KALRN: variants seen among roughly 807,000 people sequenced by gnomAD.
KALRN encodes kalirin.
KALRN carries 70 observed loss-of-function variants against 353.7 expected under a neutral mutation model. That is an observed-to-expected ratio of 0.20 (90% CI 0.16 to 0.24). The LOEUF is 0.24. Among genes scored for constraint, KALRN ranks in the 10% least tolerant of loss-of-function variants. The probability of loss-of-function intolerance (pLI) is 1.00; values close to 1 mark genes in which losing one functional copy is unlikely to be tolerated. For synonymous variants in KALRN, 1,391 were observed against 1,434.8 expected (o/e 0.97, Z 0.69); for missense variants, 2,791 against 3,756.7 (o/e 0.74, Z 6.72).
chr3:124,405,185 G>A (rs908307296), intron 13 of KALRN, among the ~76,000 whole-genome samples: 6 of 151,940 alleles, frequency 3.9e-5, no homozygotes, highest in African/African-American at 9.7e-5. Flanking sequence ...CCCTACTATC[G>A]TCCTTTTTTA....
At chr3:124,314,470 G>T (rs1233264143) in intron 6 of KALRN, among the ~76,000 whole-genome samples, 1 of 151,848 alleles carries the variant, frequency 6.6e-6, no homozygotes, top group East Asian at 1.9e-4. Context: ...CACACGTTGT[G>T]CACATATACC....
At chr3:124,276,235 G>A (rs914385978) in intron 5 of KALRN, among the ~76,000 whole-genome samples, 2 of 152,132 alleles carry the variant, frequency 1.3e-5, no homozygotes, top group East Asian at 1.9e-4. Context: ...GGCACCACTG[G>A]GCATCGTGGT....
intron 2 of KALRN, among the ~76,000 whole-genome samples, chr3:124,229,508 G>C (rs1054378756): frequency 1.3e-5 from 2 of 152,268 alleles, no homozygotes; most frequent in Non-Finnish European, 2.9e-5. Flanking sequence ...ACAAGGAGTA[G>C]CAGTGGAGTC....
intron 35 of KALRN, 87 bp from the exon 36 acceptor site, chr3:124,633,765 C>T: frequency 9.1e-7 from 1 of 1,098,796 alleles, no homozygotes; most frequent in Non-Finnish European, 1.3e-6. Flanking sequence ...GAACTCTCCT[C>T]CTATGTATTA....
intron 7 of KALRN, among the ~76,000 whole-genome samples, chr3:124,327,396 A>C (rs1248706860): frequency 6.6e-6 from 1 of 152,200 alleles, no homozygotes; most frequent in Non-Finnish European, 1.5e-5. Context: ...ATCAACCAGC[A>C]TGTGTGTCAG....
intron 34 of KALRN, among the ~76,000 whole-genome samples, chr3:124,624,360 T>C (rs2079686472): frequency 6.6e-6 from 1 of 152,228 alleles, no homozygotes; most frequent in South Asian, 2.1e-4. Context: ...TTGTTGTTGT[T>C]AATCTCTTAA....
intron 8 of KALRN, among the ~76,000 whole-genome samples, chr3:124,332,358 G>A (rs886321328): frequency 1.3e-5 from 2 of 152,118 alleles, no homozygotes; most frequent in African/African-American, 4.8e-5. Flanking sequence ...CATCAGAGGT[G>A]TGGAGATGGA....
chr3:124,604,909 A>G (rs1475886254), intron 34 of KALRN, among the ~76,000 whole-genome samples: 1 of 152,066 alleles, frequency 6.6e-6, no homozygotes, highest in Non-Finnish European at 1.5e-5. Flanking sequence ...TAATTCCAGC[A>G]CTTTGGGAGG....
intron 1 of KALRN, among the ~76,000 whole-genome samples, chr3:124,172,074 A>C (rs892831237): frequency 3.9e-5 from 6 of 152,164 alleles, no homozygotes; most frequent in Non-Finnish European, 7.4e-5. Flanking sequence ...GACTTCTTTG[A>C]ATCTTATTTT....
chr3:124,270,860 C>T (rs530590141), intron 5 of KALRN, among the ~76,000 whole-genome samples: 12 of 129,114 alleles, frequency 9.3e-5, no homozygotes, highest in Admixed American at 7.2e-4. Context: ...GACGGAGTCT[C>T]GCTCTGTCGC....
intron 1 of KALRN, among the ~76,000 whole-genome samples, chr3:124,113,609 C>T (rs2063194837): frequency 6.6e-6 from 1 of 152,156 alleles, no homozygotes; most frequent in Non-Finnish European, 1.5e-5. Context: ...GGATATGTTT[C>T]CTGCAGGAGT....
At chr3:124,298,096 T>G (rs1345119541) in intron 5 of KALRN, among the ~76,000 whole-genome samples, 1 of 152,188 alleles carries the variant, frequency 6.6e-6, no homozygotes, top group African/African-American at 2.4e-5. Context: ...AGCCAGGGGT[T>G]CTGGTCAGCT....
In KALRN at chr3:124,441,983, C is replaced by T. The variant is rs761442960; in HGVS notation, c.3237C>T (p.Leu1079=). The T allele has an allele frequency of 3.7e-6, 6 of 1,605,786 alleles. No individual in the cohort carries two copies. Among genetic ancestry groups the T allele is most frequent in the Non-Finnish European group, 5.1e-6 (6 of 1,173,834 alleles). The change falls in exon 19 of 60, where the codon CTC becomes CTT. Residue 1079 remains leucine (L), a synonymous_variant. Coordinates refer to ENST00000682506, the MANE Select transcript of KALRN (RefSeq NM_001388419.1). ...CTCGGCGGAATGCTGAGGTGTTTCT[C>T]AAGTACATCCACAGGAACAACGTCA... The part of the protein sequence containing the change: ...TLARRNAEVF[L]KYIHRNNVSM...
In KALRN at chr3:124,384,006, G is replaced by C. The variant is rs115963661; in HGVS notation, c.1771-839G>C. ...CCAGCTCTAAGTCAGGACATATCAG[G>C]AGACTTTCAAAATGAGAAGCCTGCT... On this transcript the variant is annotated intron_variant, in intron 10 of 59. Coordinates refer to ENST00000682506, the MANE Select transcript of KALRN (RefSeq NM_001388419.1). Among the ~76,000 whole-genome samples the C allele has an allele frequency of 9.2e-3, 1,398 of 152,252 alleles. 11 individuals are homozygous for C. Among genetic ancestry groups the C allele is most frequent in the African/African-American group, 0.022 (921 of 41,526 alleles).
intron 1 of KALRN, among the ~76,000 whole-genome samples, chr3:124,067,798 G>A (rs1217110571): frequency 1.3e-5 from 2 of 152,250 alleles, no homozygotes; most frequent in African/African-American, 4.8e-5. Flanking sequence ...GGCCAGGGGA[G>A]CCACTCACCA....
At chr3:124,697,529 T>C (rs1365590616) in intron 54 of KALRN, 64 bp from the exon 55 acceptor site, 3 of 1,488,968 alleles carry the variant, frequency 2.0e-6, no homozygotes, top group Non-Finnish European at 2.7e-6. Context: ...AGATGACTTA[T>C]ACCTTGGTGT....
At chr3:124,523,148 C>T (rs1355201161) in intron 33 of KALRN, among the ~76,000 whole-genome samples, 1 of 152,164 alleles carries the variant, frequency 6.6e-6, no homozygotes, top group Non-Finnish European at 1.5e-5. Flanking sequence ...ATATGGCCTC[C>T]CTTGAGCTAT....
intron 1 of KALRN, among the ~76,000 whole-genome samples, chr3:124,166,877 TAAAAG>T (rs1409678028): frequency 1.3e-5 from 2 of 151,662 alleles, no homozygotes; most frequent in Non-Finnish European, 2.9e-5. Flanking sequence ...CGTCTCTACT[TAAAAG>T]AAAAAATACA....
At chr3:124,084,219 G>C (rs1376648526) in intron 1 of KALRN, among the ~76,000 whole-genome samples, 2 of 152,246 alleles carry the variant, frequency 1.3e-5, no homozygotes, top group African/African-American at 4.8e-5. Flanking sequence ...AGGCCTGAAA[G>C]GGGGTTAAGG....
Sources: gnomAD v4.1 joint callset for allele counts (sites outside exome capture counted in the v4.1 genomes callset) on GRCh38, gnomAD v4.1.1 for gene constraint, MANE v1.5 for transcripts, NCBI Gene and HGNC (gene_info 2026-07-23, HGNC 2026-07-21) for gene names.